Variants in FTO observed in about 807,000 individuals in gnomAD.
FTO encodes FTO alpha-ketoglutarate dependent dioxygenase.
In FTO, 47 loss-of-function variants were observed where a neutral mutation model predicts 63.9. The observed-to-expected ratio is 0.74, with a 90% CI of 0.58 to 0.94. FTO has a LOEUF of 0.94. Ranked by LOEUF, FTO falls within the 40% of genes least tolerant of loss-of-function variation. The probability of loss-of-function intolerance (pLI) is 0.00; values close to 1 mark genes in which losing one functional copy is unlikely to be tolerated. For synonymous variants in FTO, 207 were observed against 224.4 expected, an observed-to-expected ratio of 0.92 and a Z score of 0.69; for missense variants, 562 against 618.1, an observed-to-expected ratio of 0.91 and a Z score of 0.96.
intron 8 of FTO, among the ~76,000 whole-genome samples, chr16:54,100,529 A>G (rs1167208423): frequency 1.3e-5 from 2 of 151,772 alleles, no homozygotes; most frequent in Admixed American, 6.6e-5. Context: ...GTCTTTTTAA[A>G]TTTTTCGTAC....
At chr16:53,817,435 G>A (rs139753991) in intron 2 of FTO, among the ~76,000 whole-genome samples, 20 of 152,102 alleles carry the variant, frequency 1.3e-4, no homozygotes, top group Admixed American at 3.3e-4. Context: ...TGAGTGATAG[G>A]GTGCAAATTG....
At chr16:53,779,632 G>A (rs1195297389) in intron 1 of FTO, among the ~76,000 whole-genome samples, 1 of 152,126 alleles carries the variant, frequency 6.6e-6, no homozygotes, top group African/African-American at 2.4e-5. Context: ...AAATGTAAGG[G>A]GTACCAGTGC....
chr16:53,799,219 C>G (rs1260072894), intron 1 of FTO, among the ~76,000 whole-genome samples: 1 of 151,920 alleles, frequency 6.6e-6, no homozygotes, highest in Non-Finnish European at 1.5e-5. Context: ...GGATTGAAAG[C>G]CATTAATTTT....
chr16:53,879,031 A>T (rs1285154127), intron 5 of FTO, among the ~76,000 whole-genome samples: 1 of 152,118 alleles, frequency 6.6e-6, no homozygotes, highest in Middle Eastern at 3.2e-3. Flanking sequence ...TTATAGAACC[A>T]TTTATTGTGC....
chr16:53,872,980 T>C (rs1298270816), intron 4 of FTO, among the ~76,000 whole-genome samples: 2 of 152,212 alleles, frequency 1.3e-5, no homozygotes, highest in African/African-American at 4.8e-5. Context: ...TGCTTGTGGT[T>C]TTAGGAATAT....
At chr16:53,851,915 G>A (rs954911775) in intron 4 of FTO, among the ~76,000 whole-genome samples, 22 of 151,872 alleles carry the variant, frequency 1.4e-4, no homozygotes, top group Non-Finnish European at 2.8e-4. Context: ...CTGTATTTGC[G>A]TTTTATTCTT....
intron 4 of FTO, among the ~76,000 whole-genome samples, chr16:53,859,562 T>G (rs186503161): frequency 6.7e-6 from 1 of 149,506 alleles, no homozygotes; most frequent in East Asian, 1.9e-4. Flanking sequence ...TTTATATATA[T>G]ATCATATATA....
intron 8 of FTO, among the ~76,000 whole-genome samples, chr16:53,957,301 C>T (rs1435524786): frequency 1.3e-5 from 2 of 152,208 alleles, no homozygotes; most frequent in African/African-American, 4.8e-5. Flanking sequence ...CATTAGAACT[C>T]TCTTTGCAAC....
chr16:54,014,406 T>G (rs754306181), intron 8 of FTO, among the ~76,000 whole-genome samples: 11 of 152,094 alleles, frequency 7.2e-5, no homozygotes, highest in Non-Finnish European at 1.6e-4. Context: ...CCTCTCTCTC[T>G]CTTGCTTCCT....
chr16:53,893,441 T>C (rs2081202531), intron 7 of FTO, among the ~76,000 whole-genome samples: 1 of 152,112 alleles, frequency 6.6e-6, no homozygotes, highest in Admixed American at 6.6e-5. Context: ...AAGAGAAATA[T>C]GAAAAGCTGA....
intron 1 of FTO, among the ~76,000 whole-genome samples, chr16:53,804,665 C>G (rs2151722563): frequency 7.5e-6 from 1 of 133,538 alleles, no homozygotes; most frequent in Non-Finnish European, 1.6e-5. Context: ...AAGAACCATG[C>G]TGTGTCACCA....
At chr16:53,862,274 C>T (rs1457525071) in intron 4 of FTO, among the ~76,000 whole-genome samples, 1 of 151,828 alleles carries the variant, frequency 6.6e-6, no homozygotes, top group Non-Finnish European at 1.5e-5. Flanking sequence ...ACAAAAAAAC[C>T]ACCACCAACA....
At chr16:53,776,287 G>A (rs1387417174) in intron 1 of FTO, among the ~76,000 whole-genome samples, 1 of 152,144 alleles carries the variant, frequency 6.6e-6, no homozygotes, top group Non-Finnish European at 1.5e-5. Flanking sequence ...TTTGTCTGTG[G>A]TTTCTTGCCA....
intron 8 of FTO, among the ~76,000 whole-genome samples, chr16:54,037,980 A>T (rs956604029): frequency 6.6e-6 from 1 of 152,238 alleles, no homozygotes; most frequent in African/African-American, 2.4e-5. Context: ...ACTACTTCTC[A>T]TCTTAGAGCT....
At chr16:53,827,598 T>TA (rs779654428) in intron 3 of FTO, among the ~76,000 whole-genome samples, 3 of 152,250 alleles carry the variant, frequency 2.0e-5, no homozygotes, top group Admixed American at 1.3e-4. Context: ...TTAAATTTCT[T>TA]ACAATTTCCC....
chr16:53,939,914 T>G (rs1048377701), intron 8 of FTO, among the ~76,000 whole-genome samples: 1 of 152,162 alleles, frequency 6.6e-6, no homozygotes, highest in Admixed American at 6.5e-5. Flanking sequence ...GACATTTGGG[T>G]GGGTTGACTT....
At position 54,089,913 on chromosome 16, in the gene FTO, G is replaced by A. The variant is rs181602293; in HGVS notation, c.1365-21849G>A. 8.6e-5 allele frequency among the ~76,000 whole-genome samples: 13 copies of A among 151,650 alleles called. No individual in the cohort carries two copies. The East Asian group carries it at 2.3e-3, about 27-fold the overall frequency. On this transcript the variant is annotated intron_variant, in intron 8 of 8. Coordinates refer to ENST00000471389, the MANE Select transcript of FTO (RefSeq NM_001080432.3). Reference sequence around the variant, plus strand: ...ACAAGGCAAGCATGTGGAGAAATGGGGCTCCTCCATTATTGGTGGGAGCGC... The same window carrying A: ...ACAAGGCAAGCATGTGGAGAAATGGAGCTCCTCCATTATTGGTGGGAGCGC...
At chr16:53,838,699 T>C (rs979064150) in intron 3 of FTO, among the ~76,000 whole-genome samples, 2 of 151,958 alleles carry the variant, frequency 1.3e-5, no homozygotes, top group Non-Finnish European at 2.9e-5. Flanking sequence ...ATTAGCCACG[T>C]GTGGTGGCAC....
At chr16:53,928,812 C>T (rs1798951685) in intron 7 of FTO, among the ~76,000 whole-genome samples, 1 of 151,926 alleles carries the variant, frequency 6.6e-6, no homozygotes, top group Non-Finnish European at 1.5e-5. Context: ...TTTTGGTATA[C>T]AACCCTATAG....
Sources: gnomAD v4.1 joint callset for allele counts (sites outside exome capture counted in the v4.1 genomes callset) on GRCh38, gnomAD v4.1.1 for gene constraint, MANE v1.5 for transcripts, NCBI Gene and HGNC (gene_info 2026-07-23, HGNC 2026-07-21) for gene names.